The following CTNNA2 variants were observed in gnomAD, a reference collection of about 807,000 sequenced individuals.
CTNNA2 encodes the protein catenin alpha 2.
CTNNA2 carries 42 observed loss-of-function variants against 101.0 expected under a neutral mutation model. That is an observed-to-expected ratio of 0.42 (90% confidence interval 0.32 to 0.54). CTNNA2 has a LOEUF of 0.54. CTNNA2 is among the 20% of genes least tolerant of loss of function. The probability of loss-of-function intolerance (pLI) is 0.14; values close to 1 mark genes in which losing one functional copy is unlikely to be tolerated. For missense variants in CTNNA2, 871 were observed against 1,223.1 expected, an observed-to-expected ratio of 0.71 and a Z score of 4.29; for synonymous variants, 450 against 456.4, an observed-to-expected ratio of 0.99 and a Z score of 0.18.
At chr2:80,520,790 G>T (rs951708774) in intron 9 of CTNNA2, among the ~76,000 whole-genome samples, 2 of 152,158 alleles carry the variant, frequency 1.3e-5, no homozygotes, top group African/African-American at 4.8e-5. Flanking sequence ...GCAAGAAGCC[G>T]GCTGCACCTG....
At chr2:79,908,930 G>A (rs192336769) in intron 6 of CTNNA2, among the ~76,000 whole-genome samples, 44 of 152,276 alleles carry the variant, frequency 2.9e-4, no homozygotes, top group Admixed American at 1.2e-3. Flanking sequence ...TCTATGTGAC[G>A]CCTTCCTTTT....
intron 7 of CTNNA2, among the ~76,000 whole-genome samples, chr2:80,118,091 A>T (rs1049417328): frequency 6.6e-6 from 1 of 152,182 alleles, no homozygotes; most frequent in Non-Finnish European, 1.5e-5. Flanking sequence ...ACAGTTACCT[A>T]TCACCCAAAT....
intron 2 of CTNNA2, among the ~76,000 whole-genome samples, chr2:79,262,118 A>G (rs1025563821): frequency 2.6e-5 from 4 of 152,188 alleles, no homozygotes; most frequent in African/African-American, 9.7e-5. Flanking sequence ...ACTGCCATTT[A>G]GCATCATTGA....
chr2:80,364,611 A>G (rs1389231644), intron 7 of CTNNA2, among the ~76,000 whole-genome samples: 1 of 128,206 alleles, frequency 7.8e-6, no homozygotes, highest in Non-Finnish European at 1.6e-5. Context: ...GCTCCTAATG[A>G]TTTACTTGAT....
intron 4 of CTNNA2, among the ~76,000 whole-genome samples, chr2:79,462,185 T>C (rs970120677): frequency 5.3e-5 from 8 of 152,206 alleles, no homozygotes; most frequent in Non-Finnish European, 4.4e-5. Flanking sequence ...GACTTATGAT[T>C]GATGAATTCT....
chr2:80,625,859 G>GT (rs1671632030), intron 18 of CTNNA2, among the ~76,000 whole-genome samples: 2 of 151,948 alleles, frequency 1.3e-5, no homozygotes, highest in African/African-American at 4.8e-5. Flanking sequence ...CAAAAATCAA[G>GT]TAATTAAATG....
chr2:80,278,619 G>A (rs1229789248), intron 7 of CTNNA2, among the ~76,000 whole-genome samples: 5 of 152,082 alleles, frequency 3.3e-5, no homozygotes, highest in African/African-American at 1.2e-4. Flanking sequence ...CATCCTATTG[G>A]TGAAAGAAAG....
At chr2:79,727,810 G>A (rs1281889259) in intron 2 of CTNNA2, among the ~76,000 whole-genome samples, 1 of 142,992 alleles carries the variant, frequency 7.0e-6, no homozygotes, top group Non-Finnish European at 1.5e-5. Context: ...TCCCACATAT[G>A]AGTGAGAATA....
Position 79,218,343 on chromosome 2 carries a change from G to A in CTNNA2, c.-406+20267G>A, listed in dbSNP as rs1173065720. Among the ~76,000 whole-genome samples, 28 of 72,574 alleles carry A rather than the reference G, an allele frequency of 3.9e-4. No individual in the cohort carries two copies. The East Asian group carries it at 6.0e-3, about 15-fold the overall frequency. 47.6% of individuals were successfully genotyped at this position (72,574 alleles called of 152,430 possible). ...TGTGTGTGTGTGTGTGTGTGTGTGTGTGTGTGTATTTTTTTTTTTTTTAGA... is the reference window on the plus strand; with the variant it reads ...TGTGTGTGTGTGTGTGTGTGTGTGTATGTGTGTATTTTTTTTTTTTTTAGA... On this transcript the variant is annotated intron_variant, in intron 2 of 21. Transcript: ENST00000466387.
At chr2:79,453,579 G>A (rs563326504) in intron 4 of CTNNA2, among the ~76,000 whole-genome samples, 5 of 152,180 alleles carry the variant, frequency 3.3e-5, no homozygotes, top group African/African-American at 1.2e-4. Flanking sequence ...ATTAAGTATG[G>A]TTGGCTCTCC....
chr2:79,900,015 C>A (rs1684973935), intron 6 of CTNNA2, among the ~76,000 whole-genome samples: 1 of 152,140 alleles, frequency 6.6e-6, no homozygotes, highest in South Asian at 2.1e-4. Flanking sequence ...TAAAACCAAA[C>A]AAATAACATT....
chr2:79,634,925 G>T (rs906142863), intron 1 of CTNNA2, among the ~76,000 whole-genome samples: 2 of 152,100 alleles, frequency 1.3e-5, no homozygotes, highest in African/African-American at 4.8e-5. Flanking sequence ...AATATATTTA[G>T]AACTTTATTC....
chr2:79,928,948 A>C (rs1286725139), intron 7 of CTNNA2, among the ~76,000 whole-genome samples: 1 of 152,256 alleles, frequency 6.6e-6, no homozygotes, highest in Non-Finnish European at 1.5e-5. Flanking sequence ...CATAATAACA[A>C]CAGGCAAAAT....
intron 1 of CTNNA2, among the ~76,000 whole-genome samples, chr2:79,635,525 T>C (rs1472048076): frequency 6.6e-6 from 1 of 151,754 alleles, no homozygotes; most frequent in Non-Finnish European, 1.5e-5. Flanking sequence ...TTTTTTGAGA[T>C]GGAGTTTCAC....
At chr2:80,114,637 C>A (rs1170922033) in intron 7 of CTNNA2, among the ~76,000 whole-genome samples, 5 of 152,314 alleles carry the variant, frequency 3.3e-5, no homozygotes, top group Admixed American at 6.5e-5. Context: ...AGAGGGCACT[C>A]ACATAGAAGT....
intron 2 of CTNNA2, among the ~76,000 whole-genome samples, chr2:79,732,182 C>T (rs1288747024): frequency 6.6e-6 from 1 of 151,922 alleles, no homozygotes; most frequent in Admixed American, 6.6e-5. Flanking sequence ...TGAAATCTGA[C>T]GTGAAAAACT....
intron 7 of CTNNA2, among the ~76,000 whole-genome samples, chr2:80,344,642 G>A (rs11694412): frequency 0.15 from 23,330 of 152,026 alleles, 2,015 homozygotes; most frequent in East Asian, 0.28. Context: ...GCGCCACCAC[G>A]CCCAGCTATC....
intron 3 of CTNNA2, among the ~76,000 whole-genome samples, chr2:79,825,014 A>AC (rs1354794855): frequency 6.6e-6 from 1 of 152,058 alleles, no homozygotes; most frequent in Non-Finnish European, 1.5e-5. Context: ...ACATAGCGAG[A>AC]CCCCATATCT....
At chr2:80,629,547 G>C (rs1672056837) in intron 18 of CTNNA2, among the ~76,000 whole-genome samples, 1 of 152,126 alleles carries the variant, frequency 6.6e-6, no homozygotes, top group Non-Finnish European at 1.5e-5. Context: ...CACTGGTCTA[G>C]GAAGTGGAGG....
Sources: allele counts gnomAD v4.1 joint callset (sites outside exome capture counted in the v4.1 genomes callset), GRCh38; gene constraint gnomAD v4.1.1; transcripts MANE v1.5; gene names NCBI Gene and HGNC (gene_info 2026-07-23, HGNC 2026-07-21).